Variants in CNTNAP2 observed in about 807,000 individuals in gnomAD.
CNTNAP2 encodes the protein contactin-associated protein-like 2.
CNTNAP2 carries 98 observed loss-of-function variants against 155.2 expected under a neutral mutation model. The observed-to-expected ratio is 0.63, with a 90% CI of 0.54 to 0.75. The LOEUF is 0.75. CNTNAP2 is among the 30% of genes least tolerant of loss of function. CNTNAP2 has a pLI of 0.00. For synonymous variants in CNTNAP2, 651 were observed against 631.2 expected (o/e 1.03, Z -0.47); for missense variants, 1,727 against 1,688.1 (o/e 1.02, Z -0.40).
chr7:146,255,493 T>C (rs802560), intron 1 of CNTNAP2, among the ~76,000 whole-genome samples: 1 of 152,108 alleles, frequency 6.6e-6, no homozygotes, highest in Non-Finnish European at 1.5e-5. Flanking sequence ...AGACATTCAC[T>C]TCTTTGGCTT....
At chr7:146,687,138 T>C (rs934901783) in intron 1 of CNTNAP2, among the ~76,000 whole-genome samples, 4 of 152,186 alleles carry the variant, frequency 2.6e-5, no homozygotes, top group African/African-American at 9.7e-5. Flanking sequence ...GTTAAATGTC[T>C]CTACAATTCA....
At chr7:147,763,929 G>A (rs529541609) in intron 13 of CNTNAP2, among the ~76,000 whole-genome samples, 3 of 152,294 alleles carry the variant, frequency 2.0e-5, no homozygotes, top group East Asian at 1.9e-4. Flanking sequence ...GATAAGGTGC[G>A]TGCCATTCCA....
rs1426159485 is a variant in CNTNAP2, at chr7:147,120,964, C to T, written c.755-15C>T. 6.8e-6 allele frequency: 11 copies of T among 1,612,726 alleles called. No individual in the cohort carries two copies. Among genetic ancestry groups the T allele is most frequent in the Non-Finnish European group, 8.5e-6 (10 of 1,179,650 alleles). ...GCATCATTGCATTGTTTCTTTTTCA[C>T]TTCTGTGTACGCAGGAAGCAACCAG... On this transcript the variant is annotated splice_polypyrimidine_tract_variant and intron_variant, in intron 5 of 23. Coordinates refer to ENST00000361727, the MANE Select transcript of CNTNAP2 (RefSeq NM_014141.6).
chr7:146,659,682 C>T (rs1039921364), intron 1 of CNTNAP2, among the ~76,000 whole-genome samples: 2 of 152,052 alleles, frequency 1.3e-5, no homozygotes, highest in African/African-American at 4.8e-5. Context: ...GGTAACTAGC[C>T]AAAAGAATTA....
intron 1 of CNTNAP2, among the ~76,000 whole-genome samples, chr7:146,560,534 T>G (rs1798265201): frequency 6.6e-6 from 1 of 152,060 alleles, no homozygotes; most frequent in African/African-American, 2.4e-5. Context: ...GGCTAATTAT[T>G]TCTCCAGCTT....
Position 147,237,049 on chromosome 7 carries a change from C to CTTTTTTTTTTTTTTTT in CNTNAP2, c.1349-63071_1349-63056dup, listed in dbSNP as rs548220734. On this transcript the variant is annotated intron_variant, in intron 8 of 23. Coordinates refer to ENST00000361727, the MANE Select transcript of CNTNAP2 (RefSeq NM_014141.6). ...CCACTTCCTTTAGCCTTCACCTCCTCTTTTTTTTTTTTTTTTTTTTTTTTT... is the reference window on the plus strand; with the variant it reads ...CCACTTCCTTTAGCCTTCACCTCCTCTTTTTTTTTTTTTTTTTTTTTTTTTTTTTTTTTTTTTTTTT... Among the ~76,000 whole-genome samples, 129 of 57,468 alleles carry CTTTTTTTTTTTTTTTT rather than the reference C, an allele frequency of 2.2e-3. 17 individuals are homozygous for CTTTTTTTTTTTTTTTT. The highest frequency in any genetic ancestry group is 3.6e-3 in the Non-Finnish European group (106 of 29,584). The allele number at this position is 57,468 out of a possible 152,430, so 37.7% of individuals were successfully genotyped here.
intron 8 of CNTNAP2, among the ~76,000 whole-genome samples, chr7:147,278,115 G>T (rs1282274151): frequency 8.5e-6 from 1 of 117,292 alleles, no homozygotes; most frequent in East Asian, 2.5e-4. Flanking sequence ...TCAGGAAGGG[G>T]TGGAAACCAT....
chr7:147,840,944 G>C (rs1404777501), intron 13 of CNTNAP2, among the ~76,000 whole-genome samples: 1 of 152,014 alleles, frequency 6.6e-6, no homozygotes, highest in Non-Finnish European at 1.5e-5. Context: ...TTGTAAAGTT[G>C]GTTAAGCATA....
At chr7:146,624,595 C>T (rs73470643) in intron 1 of CNTNAP2, among the ~76,000 whole-genome samples, 5,155 of 152,044 alleles carry the variant, frequency 0.034, 291 homozygotes, top group African/African-American at 0.12. Context: ...CTTCCATTTT[C>T]TATTCCTCTG....
At chr7:147,473,946 G>A (rs909070946) in intron 10 of CNTNAP2, among the ~76,000 whole-genome samples, 3 of 152,016 alleles carry the variant, frequency 2.0e-5, no homozygotes, top group African/African-American at 4.8e-5. Context: ...GGGCGTGGTG[G>A]CACATGCCTG....
At chr7:148,222,695 CCAT>C (rs1237160225) in intron 19 of CNTNAP2, among the ~76,000 whole-genome samples, 1 of 152,178 alleles carries the variant, frequency 6.6e-6, no homozygotes, top group Non-Finnish European at 1.5e-5. Flanking sequence ...GATATTCACA[CCAT>C]AGCATAGGGA....
At chr7:148,209,718 G>C (rs1223356793) in intron 18 of CNTNAP2, among the ~76,000 whole-genome samples, 1 of 152,138 alleles carries the variant, frequency 6.6e-6, no homozygotes, top group African/African-American at 2.4e-5. Context: ...GCCAGAATGA[G>C]CTTTCAAAAC....
chr7:146,848,897 C>T (rs910781933), intron 3 of CNTNAP2, among the ~76,000 whole-genome samples: 1 of 152,126 alleles, frequency 6.6e-6, no homozygotes, highest in African/African-American at 2.4e-5. Context: ...TTCAGCCTCT[C>T]GAGTAGCTGG....
intron 11 of CNTNAP2, among the ~76,000 whole-genome samples, chr7:147,551,982 A>T (rs915099642): frequency 6.6e-6 from 1 of 152,312 alleles, no homozygotes; most frequent in Middle Eastern, 3.4e-3. Context: ...GCTTGGCCAA[A>T]GTAAAACTTG....
intron 11 of CNTNAP2, among the ~76,000 whole-genome samples, chr7:147,500,153 GGATAAAATTA>G (rs58786835): frequency 0.3 from 45,550 of 151,170 alleles, 6,967 homozygotes; most frequent in East Asian, 0.42. Context: ...AACAGTTTAT[GGATAAAATTA>G]GCAATATGAT....
intron 1 of CNTNAP2, among the ~76,000 whole-genome samples, chr7:146,377,008 T>C (rs1187467105): frequency 2.0e-5 from 3 of 152,162 alleles, no homozygotes; most frequent in Non-Finnish European, 4.4e-5. Flanking sequence ...CCTCCAGAAA[T>C]GTGAGAAAAT....
In CNTNAP2 at chr7:147,057,655, C is replaced by A. The variant is rs1016297899; in HGVS notation, c.550+13601C>A. Among the ~76,000 whole-genome samples, 5 of 152,106 alleles carry A rather than the reference C, an allele frequency of 3.3e-5. No homozygotes were observed. In the East Asian group the frequency reaches 9.6e-4, roughly 29 times the overall value. ...CCTCAGTTGTGACAACCAAAATTAACCCAAAAGTCTCCTAGTGGCAAAACT... is the reference window on the plus strand; with the variant it reads ...CCTCAGTTGTGACAACCAAAATTAAACCAAAAGTCTCCTAGTGGCAAAACT... On this transcript the variant is annotated intron_variant, in intron 4 of 23. Transcript: ENST00000361727.
chr7:146,553,478 TAA>T (rs1053380173), intron 1 of CNTNAP2, among the ~76,000 whole-genome samples: 76 of 152,104 alleles, frequency 5.0e-4, no homozygotes, highest in African/African-American at 1.7e-3. Flanking sequence ...ATAAAATAGA[TAA>T]GTGTTTTTCC....
In CNTNAP2 at chr7:148,391,756, G is replaced by A. The variant is rs187256887; in HGVS notation, c.3715+7868G>A. ...AATGAAAAGGATTTGCCAGCAGGAA[G>A]ACAGCCACAGATGGCAGTGCACATT... On this transcript the variant is annotated intron_variant, in intron 22 of 23. Transcript: ENST00000361727. 8.2e-4 allele frequency among the ~76,000 whole-genome samples: 125 copies of A among 152,280 alleles called. 1 individual carries two copies. The highest frequency in any genetic ancestry group is 1.2e-3 in the Non-Finnish European group (81 of 68,024).
Sources: gnomAD v4.1 joint callset for allele counts (sites outside exome capture counted in the v4.1 genomes callset) on GRCh38, gnomAD v4.1.1 for gene constraint, MANE v1.5 for transcripts, NCBI Gene and HGNC (gene_info 2026-07-23, HGNC 2026-07-21) for gene names.